The following GPR63 variants were observed in gnomAD, a reference collection of about 807,000 sequenced individuals.
GPR63 encodes the protein probable G protein-coupled receptor 63.
Under a neutral mutation model 23.1 loss-of-function variants are expected in GPR63, and 12 were observed. The ratio of observed to expected loss-of-function variants is 0.52; its 90% CI spans 0.33 to 0.84. The LOEUF (loss-of-function observed/expected upper bound fraction) is 0.84. Among genes scored for constraint, GPR63 ranks in the 40% least tolerant of loss-of-function variants. GPR63 has a pLI of 0.02. For missense variants in GPR63, 472 were observed against 515.6 expected (o/e 0.92, Z 0.82); for synonymous variants, 172 against 191.1 (o/e 0.90, Z 0.82).
intron 1 of GPR63, among the ~76,000 whole-genome samples, chr6:96,837,019 G>A (rs917743109): frequency 6.6e-6 from 1 of 152,118 alleles, no homozygotes; most frequent in African/African-American, 2.4e-5. Context: ...CGGCCCGGGA[G>A]AAACCGAGTC....
chr6:96,804,759 A>C (rs1479859325), intron 1 of GPR63, among the ~76,000 whole-genome samples: 2 of 152,114 alleles, frequency 1.3e-5, no homozygotes, highest in African/African-American at 4.8e-5. Flanking sequence ...CTGTAAGTAT[A>C]GATGTAGATT....
At position 96,796,914 on chromosome 6, in the gene GPR63, A is replaced by G. The variant is rs1773594041; in HGVS notation, c.*1558T>C. 6.6e-6 allele frequency: 1 copy of G among 152,224 alleles called. No individual in the cohort carries two copies. Among genetic ancestry groups the G allele is most frequent in the African/African-American group, 2.4e-5 (1 of 41,454 alleles). 9.4% of individuals were successfully genotyped at this position (152,224 alleles called of 1,614,324 possible). On this transcript the variant is annotated 3_prime_UTR_variant, in exon 2 of 2. Coordinates refer to ENST00000229955, the MANE Select transcript of GPR63 (RefSeq NM_030784.4). ...TCTAAGATTTTTAAGTCTCACATTA[A>G]AAAGTGGTTGTAGGTCAGATGTGGT...
rs1215725452 is a variant in GPR63, at chr6:96,795,151, C to A, written c.*3321G>T. The A allele has an allele frequency of 6.6e-6, 1 of 152,224 alleles. No homozygotes were observed. Among genetic ancestry groups the A allele is most frequent in the Non-Finnish European group, 1.5e-5 (1 of 68,040 alleles). 9.4% of individuals were successfully genotyped at this position (152,224 alleles called of 1,614,324 possible). On this transcript the variant is annotated 3_prime_UTR_variant, in exon 2 of 2. Transcript: ENST00000229955. ...CCCTCTGGAGGCCCAGGAATCTGTA[C>A]TGTTAACAAGCTCCCTTGGGGATGC...
At chr6:96,832,036 C>A (rs1774598177) in intron 1 of GPR63, among the ~76,000 whole-genome samples, 1 of 151,850 alleles carries the variant, frequency 6.6e-6, no homozygotes, top group Admixed American at 6.6e-5. Flanking sequence ...TAATATTATT[C>A]AGAATTAAAA....
chr6:96,807,272 G>A (rs573785548), intron 1 of GPR63, among the ~76,000 whole-genome samples: 2 of 152,274 alleles, frequency 1.3e-5, no homozygotes, highest in East Asian at 3.9e-4. Context: ...TGGCAGAAGG[G>A]ACAGAGATTA....
chr6:96,804,997 G>A (rs1773860506), intron 1 of GPR63, among the ~76,000 whole-genome samples: 3 of 152,068 alleles, frequency 2.0e-5, no homozygotes, highest in Admixed American at 2.0e-4. Flanking sequence ...TGTTTTGGCT[G>A]TTTGGATATT....
intron 1 of GPR63, among the ~76,000 whole-genome samples, chr6:96,828,859 G>T (rs568573612): frequency 1.4e-4 from 22 of 151,924 alleles, no homozygotes; most frequent in Non-Finnish European, 4.4e-5. Flanking sequence ...ACCCTTCATC[G>T]TTGTATTACT....
At chr6:96,827,353 G>A (rs1016253273) in intron 1 of GPR63, among the ~76,000 whole-genome samples, 1 of 151,844 alleles carries the variant, frequency 6.6e-6, no homozygotes, top group African/African-American at 2.4e-5. Flanking sequence ...ATACAATCAA[G>A]CGAAAACAAT....
chr6:96,832,259 T>A (rs1774604142), intron 1 of GPR63, among the ~76,000 whole-genome samples: 1 of 152,030 alleles, frequency 6.6e-6, no homozygotes, highest in African/African-American at 2.4e-5. Flanking sequence ...TTTCTAAATT[T>A]TCTTTTCTTT....
At chr6:96,819,516 G>C (rs541597662) in intron 1 of GPR63, among the ~76,000 whole-genome samples, 1 of 152,024 alleles carries the variant, frequency 6.6e-6, no homozygotes, top group Non-Finnish European at 1.5e-5. Flanking sequence ...GGGGCCTGTC[G>C]GGGTGCAGGG....
At chr6:96,801,604 C>T (rs193204516) in intron 1 of GPR63, among the ~76,000 whole-genome samples, 9 of 152,240 alleles carry the variant, frequency 5.9e-5, no homozygotes, top group Admixed American at 5.2e-4. Context: ...AGCAATGTAG[C>T]CAAATCAGGG....
At chr6:96,806,394 T>C (rs1403630707) in intron 1 of GPR63, among the ~76,000 whole-genome samples, 1 of 151,176 alleles carries the variant, frequency 6.6e-6, no homozygotes. Context: ...GGGTATGTTA[T>C]TCTGACCTAT....
At chr6:96,805,488 A>ATGATAC (rs2127946422) in intron 1 of GPR63, among the ~76,000 whole-genome samples, 1 of 152,286 alleles carries the variant, frequency 6.6e-6, no homozygotes, top group African/African-American at 2.4e-5. Context: ...CAGCCCAACC[A>ATGATAC]TGTCAGTATC....
chr6:96,828,562 T>TA (rs36063508), intron 1 of GPR63, among the ~76,000 whole-genome samples: 4,783 of 114,104 alleles, frequency 0.042, 265 homozygotes, highest in African/African-American at 0.12. Flanking sequence ...ATAAAAACAG[T>TA]AAAAAAAAAA....
chr6:96,831,171 T>G (rs1177164891), intron 1 of GPR63, among the ~76,000 whole-genome samples: 1 of 152,154 alleles, frequency 6.6e-6, no homozygotes, highest in Non-Finnish European at 1.5e-5. Flanking sequence ...ATTCCACAAT[T>G]ATGTATCAAT....
chr6:96,814,156 A>C (rs1009451087), intron 1 of GPR63, among the ~76,000 whole-genome samples: 1 of 151,936 alleles, frequency 6.6e-6, no homozygotes, highest in Non-Finnish European at 1.5e-5. Flanking sequence ...AATATTATAT[A>C]TGTATAAAAC....
intron 1 of GPR63, among the ~76,000 whole-genome samples, chr6:96,828,898 C>A (rs537452479): frequency 3.3e-5 from 5 of 152,126 alleles, no homozygotes; most frequent in Admixed American, 1.3e-4. Context: ...TTAATTCAAA[C>A]AATACTATTA....
At chr6:96,835,087 C>T (rs1774690526) in intron 1 of GPR63, among the ~76,000 whole-genome samples, 1 of 152,170 alleles carries the variant, frequency 6.6e-6, no homozygotes, top group Non-Finnish European at 1.5e-5. Flanking sequence ...CAGGGTAATT[C>T]AATCCATTTG....
At chr6:96,816,802 C>T (rs1189969033) in intron 1 of GPR63, among the ~76,000 whole-genome samples, 4 of 151,962 alleles carry the variant, frequency 2.6e-5, no homozygotes, top group African/African-American at 7.3e-5. Context: ...TGGAAGCTGG[C>T]GTTCTGGGTT....
Sources: gnomAD v4.1 joint callset for allele counts (sites outside exome capture counted in the v4.1 genomes callset) on GRCh38, gnomAD v4.1.1 for gene constraint, MANE v1.5 for transcripts, NCBI Gene and HGNC (gene_info 2026-07-23, HGNC 2026-07-21) for gene names.